The following KAT6A variants were observed in gnomAD, a reference collection of about 807,000 sequenced individuals.
KAT6A encodes the protein histone acetyltransferase KAT6A.
A neutral mutation model predicts 198.4 loss-of-function variants in KAT6A; 9 were observed. The observed-to-expected ratio is 0.05, with a 90% CI of 0.03 to 0.08. The LOEUF is 0.08. KAT6A is among the 10% of genes least tolerant of loss of function. The probability of loss-of-function intolerance (pLI) is 1.00; values close to 1 mark genes in which losing one functional copy is unlikely to be tolerated. For missense variants in KAT6A, 2,077 were observed against 2,509.9 expected, an observed-to-expected ratio of 0.83 and a Z score of 3.69; for synonymous variants, 890 against 883.0, an observed-to-expected ratio of 1.01 and a Z score of -0.14.
chr8:41,976,596 T>A (rs530307693), intron 7 of KAT6A, among the ~76,000 whole-genome samples: 3 of 152,238 alleles, frequency 2.0e-5, no homozygotes, highest in African/African-American at 4.8e-5. Flanking sequence ...GTCTTTTTTT[T>A]ATGCTTAGAT....
intron 8 of KAT6A, among the ~76,000 whole-genome samples, chr8:41,956,579 CT>C (rs1438501280): frequency 3.3e-5 from 5 of 152,240 alleles, no homozygotes; most frequent in African/African-American, 1.2e-4. Flanking sequence ...CATTAGAGAC[CT>C]TCTGGTCTTT....
At chr8:41,953,842 T>C (rs1390105003) in intron 9 of KAT6A, among the ~76,000 whole-genome samples, 1 of 152,248 alleles carries the variant, frequency 6.6e-6, no homozygotes, top group African/African-American at 2.4e-5. Flanking sequence ...CTGAGTTCTG[T>C]AGGTAGTTGA....
intron 8 of KAT6A, chr8:41,957,446 G>T (rs1822979465): frequency 2.9e-6 from 1 of 349,708 alleles, no homozygotes; most frequent in Non-Finnish European, 5.7e-6. Context: ...TGAACTACAA[G>T]GTTACCTTTG....
rs185585208 is a variant in KAT6A at position 41,987,647 on chromosome 8, T to C, written c.601-84A>G. 6.5e-4 allele frequency: 554 copies of C among 851,562 alleles called. 13 individuals carry two copies. In the East Asian group the frequency reaches 9.3e-3, roughly 14 times the overall value. 52.8% of individuals were successfully genotyped at this position (851,562 alleles called of 1,614,324 possible). A position where few individuals can be genotyped will look rare whatever the true frequency, so the allele number is the denominator to read the frequency against. On this transcript the variant is annotated intron_variant, in intron 2 of 16. Coordinates refer to ENST00000265713, the MANE Select transcript of KAT6A (RefSeq NM_006766.5). ...AGACATCAAAATTATAGTTTTAAAT[T>C]CCTACCAGAGTAAGTTTAGGACAAT...
intron 2 of KAT6A, among the ~76,000 whole-genome samples, chr8:42,046,356 T>C (rs1039184386): frequency 2.2e-4 from 34 of 151,790 alleles, no homozygotes; most frequent in Non-Finnish European, 4.1e-4. Flanking sequence ...GCCAACAAGG[T>C]GAAACCCCGT....
intron 2 of KAT6A, among the ~76,000 whole-genome samples, chr8:42,028,387 C>A (rs547378115): frequency 1.4e-4 from 21 of 152,252 alleles, no homozygotes; most frequent in Non-Finnish European, 2.2e-4. Context: ...GATCTAATAA[C>A]ATTTGCTTTA....
At chr8:42,031,211 CTTTTTGAA>C (rs943070757) in intron 2 of KAT6A, among the ~76,000 whole-genome samples, 1 of 152,054 alleles carries the variant, frequency 6.6e-6, no homozygotes, top group African/African-American at 2.4e-5. Flanking sequence ...CGTTTTTGTA[CTTTTTGAA>C]TTTTACACAG....
intron 2 of KAT6A, among the ~76,000 whole-genome samples, chr8:42,033,245 T>C (rs937372686): frequency 2.0e-5 from 3 of 152,124 alleles, no homozygotes; most frequent in African/African-American, 7.2e-5. Context: ...CCTGGCCCTG[T>C]GGAATAATTT....
intron 2 of KAT6A, among the ~76,000 whole-genome samples, chr8:42,034,748 G>A (rs774938010): frequency 2.6e-5 from 4 of 152,170 alleles, no homozygotes; most frequent in Non-Finnish European, 4.4e-5. Flanking sequence ...GGCTATCACA[G>A]AGGGCAGTAC....
At chr8:42,046,978 G>T (rs192082770) in intron 2 of KAT6A, among the ~76,000 whole-genome samples, 7 of 152,200 alleles carry the variant, frequency 4.6e-5, no homozygotes, top group African/African-American at 1.7e-4. Flanking sequence ...GAAAAATACC[G>T]TTAATTTTCA....
chr8:42,000,599 A>T (rs1311306614), intron 2 of KAT6A, among the ~76,000 whole-genome samples: 4 of 152,230 alleles, frequency 2.6e-5, no homozygotes, highest in Non-Finnish European at 5.9e-5. Flanking sequence ...TTTTAGAAGA[A>T]GATGTTCAAC....
Position 41,930,177 on chromosome 8 carries a change from T to C in KAT6A, c.*2028A>G. 1 of 210,576 alleles carries C rather than the reference T, an allele frequency of 4.7e-6. No homozygotes were observed. The highest frequency in any genetic ancestry group is 9.2e-6 in the Non-Finnish European group (1 of 108,380). The allele number at this position is 210,576 out of a possible 1,614,324, so 13.0% of individuals were successfully genotyped here. A position where few individuals can be genotyped will look rare whatever the true frequency, so the allele number is the denominator to read the frequency against. On this transcript the variant is annotated 3_prime_UTR_variant, in exon 17 of 17. Transcript: ENST00000265713. Reference sequence around the variant, plus strand: ...ACAACCGCAAACCAACAGAAACTGATTTCACGGCCCTCATTTCAACAGCTT... The same window carrying C: ...ACAACCGCAAACCAACAGAAACTGACTTCACGGCCCTCATTTCAACAGCTT...
intron 2 of KAT6A, among the ~76,000 whole-genome samples, chr8:41,991,997 A>T (rs113950322): frequency 6.6e-6 from 1 of 152,216 alleles, no homozygotes; most frequent in Non-Finnish European, 1.5e-5. Flanking sequence ...AAGATAAAGT[A>T]TCTACTGGAG....
chr8:41,982,284 TTCATATATGAGAAATGCTCATA>T (rs1433036600), intron 3 of KAT6A, among the ~76,000 whole-genome samples: 1 of 152,162 alleles, frequency 6.6e-6, no homozygotes, highest in East Asian at 1.9e-4. Flanking sequence ...TACATATATG[TTCATATATGAGAAATGCTCATA>T]TATGCATTAC....
At position 42,029,887 on chromosome 8, in the gene KAT6A, C is replaced by A. The variant is rs532214019; in HGVS notation, c.600+18491G>T. On this transcript the variant is annotated intron_variant, in intron 2 of 16. Coordinates refer to ENST00000265713, the MANE Select transcript of KAT6A (RefSeq NM_006766.5). ...TTTTCTGATTTCTTTACATTGTGTA[C>A]CCTTGTATTTCACTGAGCTTCTTTA... 9.2e-5 allele frequency among the ~76,000 whole-genome samples: 14 copies of A among 152,124 alleles called. No individual in the cohort carries two copies. The East Asian group carries it at 2.1e-3, about 23-fold the overall frequency.
intron 3 of KAT6A, among the ~76,000 whole-genome samples, chr8:41,986,213 A>G (rs1458277443): frequency 6.6e-6 from 1 of 152,218 alleles, no homozygotes; most frequent in Admixed American, 6.5e-5. Flanking sequence ...TGCTGGGATT[A>G]CAGGCGTAAG....
intron 3 of KAT6A, among the ~76,000 whole-genome samples, chr8:41,985,002 C>T (rs980689925): frequency 7.3e-5 from 11 of 151,320 alleles, no homozygotes; most frequent in African/African-American, 2.7e-4. Flanking sequence ...AAAAAAGTTA[C>T]CGCTACAGTA....
chr8:41,931,067 C>T lies in KAT6A; in HGVS notation c.*1138G>A, dbSNP rs1292796424. The T allele has an allele frequency of 4.6e-6, 1 of 219,344 alleles. No individual in the cohort carries two copies. Among genetic ancestry groups the T allele is most frequent in the African/African-American group, 2.3e-5 (1 of 44,432 alleles). The allele number at this position is 219,344 out of a possible 1,614,324, so 13.6% of individuals were successfully genotyped here. A position where few individuals can be genotyped will look rare whatever the true frequency, so the allele number is the denominator to read the frequency against. On this transcript the variant is annotated 3_prime_UTR_variant, in exon 17 of 17. Coordinates refer to ENST00000265713, the MANE Select transcript of KAT6A (RefSeq NM_006766.5). ...CTGACACACATCTGCGCCATCTCTT[C>T]CAACATAAAATAAACTGTTTCAATG...
chr8:41,956,157 C>G (rs11993668), intron 8 of KAT6A, among the ~76,000 whole-genome samples: 21 of 152,110 alleles, frequency 1.4e-4, no homozygotes, highest in Non-Finnish European at 2.9e-4. Flanking sequence ...CTTTCCAGAT[C>G]AGAAATTCAA....
Sources: allele counts gnomAD v4.1 joint callset (sites outside exome capture counted in the v4.1 genomes callset), GRCh38; gene constraint gnomAD v4.1.1; transcripts MANE v1.5; gene names NCBI Gene and HGNC (gene_info 2026-07-23, HGNC 2026-07-21).